SLC13A2: variants seen among roughly 807,000 people sequenced by gnomAD.
SLC13A2 encodes Na(+)-coupled citrate transporter.
Under a neutral mutation model 58.5 loss-of-function variants are expected in SLC13A2, and 40 were observed. The observed-to-expected ratio is 0.68, with a 90% CI of 0.53 to 0.89. The LOEUF (loss-of-function observed/expected upper bound fraction) is 0.89. Among genes scored for constraint, SLC13A2 ranks in the 40% least tolerant of loss-of-function variants. SLC13A2 has a pLI of 0.00. For synonymous variants in SLC13A2, 341 were observed against 331.6 expected (o/e 1.03, Z -0.31); for missense variants, 694 against 772.6 (o/e 0.90, Z 1.21).
chr17:28,481,628 G>A (rs185106970), intron 1 of SLC13A2, among the ~76,000 whole-genome samples: 3 of 152,148 alleles, frequency 2.0e-5, no homozygotes, highest in East Asian at 1.9e-4. Flanking sequence ...GGCAATCATC[G>A]AGCAAATCCT....
chr17:28,488,725 A>G (rs1259539785), intron 1 of SLC13A2, among the ~76,000 whole-genome samples: 1 of 152,242 alleles, frequency 6.6e-6, no homozygotes, highest in Non-Finnish European at 1.5e-5. Context: ...AGGATGCCAC[A>G]AAACCGACTC....
intron 1 of SLC13A2, 100 bp downstream of exon 1, chr17:28,473,914 AC>A: frequency 2.1e-6 from 2 of 942,752 alleles, no homozygotes; most frequent in Non-Finnish European, 3.3e-6. Context: ...TAACTTCCTC[AC>A]TGCCCCTGCC....
At position 28,491,533 on chromosome 17, in the gene SLC13A2, G is replaced by A. The variant is rs1395746801; in HGVS notation, c.671G>A (p.Cys224Tyr). 2 of 1,613,676 alleles carry A rather than the reference G, an allele frequency of 1.2e-6. No homozygotes were observed. Among genetic ancestry groups the A allele is most frequent in the African/African-American group, 2.7e-5 (2 of 74,940 alleles). Residue 224 changes from cysteine (C) to tyrosine (Y), a missense_variant, in exon 5 of 12, where the codon TGC becomes TAC. Cys to Tyr is a radical substitution (Grantham distance 194). Transcript: ENST00000314669. ...HLHLTQCMSL[C>Y]VCYSASIGGI... Reference sequence around the variant, plus strand: ...CACCTCACCCAGTGCATGAGCCTGTGCGTGTGCTACTCCGCCAGCATCGGG... The same window carrying A: ...CACCTCACCCAGTGCATGAGCCTGTACGTGTGCTACTCCGCCAGCATCGGG...
Position 28,491,763 on chromosome 17 carries a change from C to T in SLC13A2, c.789C>T (p.Phe263=), listed in dbSNP as rs145196579. ...CCCAAAACGGCAACGTGGTGAACTT[C>T]GCCTCCTGGTTCAGCTTCGCCTTCC... ...LFPQNGNVVN[F]ASWFSFAFPT... is the part of the protein sequence containing the mutation. Residue 263 remains phenylalanine (F), a synonymous_variant, in exon 6 of 12, where the codon TTC becomes TTT. Transcript: ENST00000314669. 39 of 1,614,068 alleles carry T rather than the reference C, an allele frequency of 2.4e-5. No individual in the cohort carries two copies. Among genetic ancestry groups the T allele is most frequent in the African/African-American group, 4.0e-5 (3 of 74,930 alleles).
At chr17:28,491,939 T>C in intron 6 of SLC13A2, 87 bp downstream of exon 6, 1 of 1,525,554 alleles carries the variant, frequency 6.6e-7, no homozygotes, top group Non-Finnish European at 8.8e-7. Flanking sequence ...GAAAATGATA[T>C]TATCACCATC....
chr17:28,495,458 C>A (rs539681472), intron 9 of SLC13A2, among the ~76,000 whole-genome samples, 197 bp from the exon 10 acceptor site: 119 of 152,294 alleles, frequency 7.8e-4, no homozygotes, highest in African/African-American at 2.8e-3. Context: ...GCCCCTTCTT[C>A]CCACACCCAG....
At chr17:28,479,597 A>G (rs1555600683) in intron 1 of SLC13A2, among the ~76,000 whole-genome samples, 1 of 152,254 alleles carries the variant, frequency 6.6e-6, no homozygotes, top group Non-Finnish European at 1.5e-5. Context: ...GTGGCTCAAC[A>G]TTGGCCAGGA....
intron 1 of SLC13A2, among the ~76,000 whole-genome samples, chr17:28,486,190 C>T (rs1175004922): frequency 6.6e-6 from 1 of 152,068 alleles, no homozygotes; most frequent in African/African-American, 2.4e-5. Context: ...ACCAAAATTT[C>T]AAAATAATGA....
Position 28,494,574 on chromosome 17 carries a change from G to T in SLC13A2, c.1308+62G>T. The T allele has an allele frequency of 6.2e-7, 1 of 1,605,860 alleles. No homozygotes were observed. The highest frequency in any genetic ancestry group is 8.5e-7 in the Non-Finnish European group (1 of 1,175,940). ...GGGTGTCTCTGTGGCAGGGAGAGAG[G>T]GGGCCCTGCTTCTGTCCCACAGAGG... On this transcript the variant is annotated intron_variant, in intron 9 of 11. Coordinates refer to ENST00000314669, the MANE Select transcript of SLC13A2 (RefSeq NM_003984.4). The surrounding 1 kb of genome is among the most constrained non-coding windows in gnomAD (Gnocchi z 4.0).
chr17:28,486,285 T>C (rs1555601950), intron 1 of SLC13A2, among the ~76,000 whole-genome samples: 1 of 152,198 alleles, frequency 6.6e-6, no homozygotes, highest in Non-Finnish European at 1.5e-5. Flanking sequence ...ATAGCCACAG[T>C]CAAATATCTG....
chr17:28,496,511 T>G lies in SLC13A2; in HGVS notation c.1532T>G (p.Leu511Arg). The change falls in exon 11 of 12, where the codon CTG (leucine) becomes CGG (arginine). Residue 511 changes from leucine (L) to arginine (R), a missense_variant. By Grantham distance (102) the Leu-to-Arg change is moderately radical. Transcript: ENST00000314669. This position sits in a 1 kb window ranked among gnomAD's most constrained non-coding sequence, Gnocchi z 4.2. ...VMLPCTLATS[L>R]AFMLPVATPP... is the part of the protein sequence containing the mutation. ...CTCCCCTGCACTCTGGCCACCTCCC[T>G]GGCCTTCATGTTGCCTGTGGCCACC... is the stretch of plus-strand genomic sequence containing the variant. 1 of 1,613,650 alleles carries G rather than the reference T, an allele frequency of 6.2e-7. No individual in the cohort carries two copies. Among genetic ancestry groups the G allele is most frequent in the Non-Finnish European group, 8.5e-7 (1 of 1,179,782 alleles).
chr17:28,496,345 A>C lies in SLC13A2; in HGVS notation c.1471-105A>C. On this transcript the variant is annotated intron_variant, in intron 10 of 11. Transcript: ENST00000314669. The surrounding 1 kb of genome is among the most constrained non-coding windows in gnomAD (Gnocchi z 4.2). ...TGGGCTCATGACCAGAGAGTGTATT[A>C]GGGTACAGGGGTTGTTCCCCAGAGA... 1 of 1,410,956 alleles carries C rather than the reference A, an allele frequency of 7.1e-7. No individual in the cohort carries two copies. 87.4% of individuals were successfully genotyped at this position (1,410,956 alleles called of 1,614,324 possible).
At chr17:28,484,036 T>G (rs781870665) in intron 1 of SLC13A2, among the ~76,000 whole-genome samples, 2 of 152,184 alleles carry the variant, frequency 1.3e-5, no homozygotes, top group Non-Finnish European at 2.9e-5. Context: ...GACTGATGCC[T>G]GTACCCCTAG....
At position 28,496,846 on chromosome 17, in the gene SLC13A2, A is replaced by G. The variant is rs2069153622; in HGVS notation, c.1609-253A>G. On this transcript the variant is annotated intron_variant, in intron 11 of 11. Transcript: ENST00000314669. This position sits in a 1 kb window ranked among gnomAD's most constrained non-coding sequence, Gnocchi z 4.2. ...AGGCTCCAAGGTGCCAGGCACCCAC[A>G]CTCAGGGAGATGAGCTCAGAGAGAA... 6.6e-6 allele frequency among the ~76,000 whole-genome samples: 1 copy of G among 152,128 alleles called. No individual in the cohort carries two copies.
chr17:28,496,734 G>T lies in SLC13A2; in HGVS notation c.1608+147G>T. The T allele has an allele frequency of 8.7e-7, 1 of 1,146,232 alleles. No homozygotes were observed. Among genetic ancestry groups the T allele is most frequent in the Non-Finnish European group, 1.2e-6 (1 of 826,630 alleles). 71.0% of individuals were successfully genotyped at this position (1,146,232 alleles called of 1,614,324 possible). A position where few individuals can be genotyped will look rare whatever the true frequency, so the allele number is the denominator to read the frequency against. On this transcript the variant is annotated intron_variant, in intron 11 of 11. Coordinates refer to ENST00000314669, the MANE Select transcript of SLC13A2 (RefSeq NM_003984.4). This position sits in a 1 kb window ranked among gnomAD's most constrained non-coding sequence, Gnocchi z 4.2. ...AATGAAGGTGCAGTTGGGGAGGTTG[G>T]GACATGACCTCTCAGTGGTGGCATC...
At chr17:28,483,489 T>A (rs1485005137) in intron 1 of SLC13A2, among the ~76,000 whole-genome samples, 2 of 151,984 alleles carry the variant, frequency 1.3e-5, no homozygotes, top group Non-Finnish European at 2.9e-5. Flanking sequence ...TTGTTTTAAT[T>A]AGCTGGGTGT....
chr17:28,489,084 C>G, intron 1 of SLC13A2, 130 bp from the exon 2 acceptor site: 1 of 1,056,436 alleles, frequency 9.5e-7, no homozygotes, highest in Non-Finnish European at 1.4e-6. Context: ...GCTTGGGAAT[C>G]AATGACTGTG....
chr17:28,488,330 C>T (rs1269786384), intron 1 of SLC13A2, among the ~76,000 whole-genome samples: 3 of 152,160 alleles, frequency 2.0e-5, no homozygotes, highest in Non-Finnish European at 4.4e-5. Context: ...CCCCAGCATG[C>T]GGCCCCTTCC....
intron 9 of SLC13A2, 45 bp from the exon 10 acceptor site, chr17:28,495,610 C>A: frequency 6.3e-7 from 1 of 1,582,734 alleles, no homozygotes; most frequent in Non-Finnish European, 8.6e-7. Flanking sequence ...GACTTGGGGG[C>A]CCAGGCAGCC....
Sources: allele counts gnomAD v4.1 joint callset (sites outside exome capture counted in the v4.1 genomes callset), GRCh38; gene constraint gnomAD v4.1.1; non-coding constraint Gnocchi (gnomAD v3.1); transcripts MANE v1.5; gene names NCBI Gene and HGNC (gene_info 2026-07-23, HGNC 2026-07-21).